Variants in ASIC2 observed in about 807,000 individuals in gnomAD.
ASIC2 encodes acid-sensing ion channel 2.
Under a neutral mutation model 57.3 loss-of-function variants are expected in ASIC2, and 25 were observed. That is an observed-to-expected ratio of 0.44 (90% CI 0.32 to 0.61). The LOEUF is 0.61. Among genes scored for constraint, ASIC2 ranks in the 20% least tolerant of loss-of-function variants. ASIC2 has a pLI of 0.06. For synonymous variants in ASIC2, 319 were observed against 307.5 expected, an observed-to-expected ratio of 1.04 and a Z score of -0.39; for missense variants, 641 against 738.1, an observed-to-expected ratio of 0.87 and a Z score of 1.52.
chr17:33,765,476 C>T (rs575117408), intron 1 of ASIC2, among the ~76,000 whole-genome samples: 52 of 152,304 alleles, frequency 3.4e-4, no homozygotes, highest in African/African-American at 1.2e-3. Context: ...ACCTTATCAA[C>T]CCTTCCTACC....
intron 1 of ASIC2, among the ~76,000 whole-genome samples, chr17:33,926,293 A>C (rs935866400): frequency 7.9e-5 from 12 of 152,214 alleles, no homozygotes; most frequent in African/African-American, 2.9e-4. Flanking sequence ...GAAGTATTAC[A>C]GGTTAAGTCT....
At chr17:33,413,727 C>T (rs1910741935) in intron 1 of ASIC2, among the ~76,000 whole-genome samples, 1 of 152,250 alleles carries the variant, frequency 6.6e-6, no homozygotes, top group Non-Finnish European at 1.5e-5. Context: ...AGATCCCACT[C>T]ACTCTTTAGC....
intron 1 of ASIC2, among the ~76,000 whole-genome samples, chr17:33,817,459 G>A (rs1251802364): frequency 1.3e-5 from 2 of 152,128 alleles, no homozygotes; most frequent in Non-Finnish European, 2.9e-5. Flanking sequence ...AACTGGTGCT[G>A]CCTTCTGCTT....
chr17:33,542,764 G>A (rs1327705861), intron 1 of ASIC2, among the ~76,000 whole-genome samples: 2 of 133,234 alleles, frequency 1.5e-5, no homozygotes, highest in Non-Finnish European at 3.2e-5. Context: ...GATCCCATTT[G>A]TCAATTTTGT....
intron 1 of ASIC2, among the ~76,000 whole-genome samples, chr17:33,447,368 C>T (rs967815210): frequency 1.3e-5 from 2 of 152,088 alleles, no homozygotes; most frequent in Non-Finnish European, 2.9e-5. Context: ...GCCAAGGGGG[C>T]CTGTCAAAGG....
chr17:33,596,171 C>T (rs1238713484), intron 1 of ASIC2, among the ~76,000 whole-genome samples: 2 of 152,174 alleles, frequency 1.3e-5, no homozygotes, highest in Admixed American at 1.3e-4. Flanking sequence ...CCATGAGGCT[C>T]TTCTACCATC....
intron 1 of ASIC2, among the ~76,000 whole-genome samples, chr17:34,131,700 G>C (rs1303881302): frequency 6.6e-6 from 1 of 152,244 alleles, no homozygotes; most frequent in Non-Finnish European, 1.5e-5. Flanking sequence ...AAACAAAGGA[G>C]AAATATTTCA....
intron 1 of ASIC2, among the ~76,000 whole-genome samples, chr17:33,848,693 G>A (rs1298292099): frequency 2.0e-5 from 3 of 152,200 alleles, no homozygotes; most frequent in Non-Finnish European, 4.4e-5. Flanking sequence ...ATTCTAGGCA[G>A]TAGCTGGATG....
intron 1 of ASIC2, among the ~76,000 whole-genome samples, chr17:33,916,128 C>T (rs999983058): frequency 6.6e-6 from 1 of 152,176 alleles, no homozygotes; most frequent in African/African-American, 2.4e-5. Flanking sequence ...TCCCAGATAA[C>T]CAGTTCCTTT....
At chr17:33,122,615 T>G (rs185432851) in intron 1 of ASIC2, among the ~76,000 whole-genome samples, 2 of 152,342 alleles carry the variant, frequency 1.3e-5, no homozygotes, top group African/African-American at 4.8e-5. Flanking sequence ...TCAGGCTAAT[T>G]AACATTTCTA....
chr17:33,379,445 T>G (rs1004945650), intron 1 of ASIC2, among the ~76,000 whole-genome samples: 3 of 152,158 alleles, frequency 2.0e-5, no homozygotes, highest in African/African-American at 7.2e-5. Flanking sequence ...CCACAACTGG[T>G]CTCCCACATA....
intron 1 of ASIC2, among the ~76,000 whole-genome samples, chr17:33,845,753 T>C (rs1913576369): frequency 6.6e-6 from 1 of 152,174 alleles, no homozygotes; most frequent in Admixed American, 6.5e-5. Flanking sequence ...ACATCCAGCA[T>C]ATAAAATAAA....
At chr17:33,752,717 A>G (rs149946860) in intron 1 of ASIC2, among the ~76,000 whole-genome samples, 42 of 152,342 alleles carry the variant, frequency 2.8e-4, no homozygotes, top group Middle Eastern at 3.4e-3. Context: ...CATCAATGTC[A>G]TTAAGGAACT....
intron 1 of ASIC2, among the ~76,000 whole-genome samples, chr17:33,942,305 T>A (rs1341683515): frequency 6.6e-6 from 1 of 152,126 alleles, no homozygotes; most frequent in Non-Finnish European, 1.5e-5. Flanking sequence ...AGAGGGGAAC[T>A]CAACCCCTCC....
At chr17:33,328,501 T>C (rs1332484824) in intron 1 of ASIC2, among the ~76,000 whole-genome samples, 1 of 152,194 alleles carries the variant, frequency 6.6e-6, no homozygotes, top group Non-Finnish European at 1.5e-5. Context: ...CAGGATGCTG[T>C]AGATCTTGAT....
chr17:33,019,517 CTGGGG>C (rs2091825564), intron 7 of ASIC2, among the ~76,000 whole-genome samples: 1 of 151,536 alleles, frequency 6.6e-6, no homozygotes, highest in South Asian at 2.1e-4. Flanking sequence ...TGCGTGCAGA[CTGGGG>C]TGGGGTATGC....
intron 3 of ASIC2, among the ~76,000 whole-genome samples, chr17:33,037,863 G>A (rs2091915583): frequency 6.6e-6 from 1 of 152,166 alleles, no homozygotes; most frequent in Non-Finnish European, 1.5e-5. Flanking sequence ...TGTCTTGGGA[G>A]TGACTTCTCC....
intron 1 of ASIC2, among the ~76,000 whole-genome samples, chr17:34,107,425 C>T (rs1449191782): frequency 1.3e-5 from 2 of 152,156 alleles, no homozygotes; most frequent in Non-Finnish European, 2.9e-5. Context: ...AAGAAGATCA[C>T]CTAAGCCTGG....
intron 1 of ASIC2, among the ~76,000 whole-genome samples, chr17:33,489,719 T>C (rs1913691427): frequency 6.6e-6 from 1 of 152,206 alleles, no homozygotes. Context: ...AGGTCAAGCT[T>C]TTGGCCAAGT....
Sources: gnomAD v4.1 joint callset for allele counts (sites outside exome capture counted in the v4.1 genomes callset) on GRCh38, gnomAD v4.1.1 for gene constraint, MANE v1.5 for transcripts, NCBI Gene and HGNC (gene_info 2026-07-23, HGNC 2026-07-21) for gene names.